Variants in STAG1 observed in about 807,000 individuals in gnomAD.
STAG1 encodes STAG1 cohesin complex component.
STAG1 carries 26 observed loss-of-function variants against 170.9 expected under a neutral mutation model. That is an observed-to-expected ratio of 0.15 (90% confidence interval 0.11 to 0.21). The LOEUF is 0.21. Ranked by LOEUF, STAG1 falls within the 10% of genes least tolerant of loss-of-function variation. The pLI, the probability that STAG1 is intolerant of heterozygous loss-of-function variation, is 1.00. For missense variants in STAG1, 964 were observed against 1,509.5 expected, an observed-to-expected ratio of 0.64 and a Z score of 5.99; for synonymous variants, 514 against 497.7, an observed-to-expected ratio of 1.03 and a Z score of -0.44.
At chr3:136,714,832 C>G (rs1485737235) in intron 1 of STAG1, among the ~76,000 whole-genome samples, 1 of 146,872 alleles carries the variant, frequency 6.8e-6, no homozygotes, top group Non-Finnish European at 1.5e-5. Context: ...TCACTTGAAC[C>G]TGGGAGGTCA....
intron 1 of STAG1, among the ~76,000 whole-genome samples, chr3:136,672,657 CATG>C (rs1306455612): frequency 1.3e-5 from 2 of 152,086 alleles, no homozygotes; most frequent in Non-Finnish European, 2.9e-5. Flanking sequence ...GTACTTAGAA[CATG>C]ATAAGCATTT....
At chr3:136,541,459 A>G (rs920086328) in intron 6 of STAG1, among the ~76,000 whole-genome samples, 75 of 152,024 alleles carry the variant, frequency 4.9e-4, no homozygotes, top group Non-Finnish European at 3.2e-4. Flanking sequence ...TAATTTGTGA[A>G]GCCAAGCAAA....
At chr3:136,681,837 A>C (rs781041133) in intron 1 of STAG1, among the ~76,000 whole-genome samples, 17 of 152,230 alleles carry the variant, frequency 1.1e-4, no homozygotes, top group Non-Finnish European at 1.9e-4. Context: ...TTGCATGATA[A>C]AAACAATCAG....
At chr3:136,743,368 CA>C (rs796201068) in intron 1 of STAG1, among the ~76,000 whole-genome samples, 33 of 124,806 alleles carry the variant, frequency 2.6e-4, no homozygotes, top group East Asian at 8.6e-4. Flanking sequence ...AACTCCTTCT[CA>C]AAAAAAAAAA....
intron 4 of STAG1, among the ~76,000 whole-genome samples, chr3:136,570,382 TTA>T (rs1392547403): frequency 1.3e-5 from 2 of 152,222 alleles, no homozygotes; most frequent in African/African-American, 4.8e-5. Context: ...AATGCCTTTT[TTA>T]CATTGCTGAA....
chr3:136,506,665 AAAG>A (rs1933784060), intron 7 of STAG1, among the ~76,000 whole-genome samples: 1 of 151,428 alleles, frequency 6.6e-6, no homozygotes, highest in Non-Finnish European at 1.5e-5. Flanking sequence ...AAAAAAAAGA[AAAG>A]AAAAAGAAAA....
chr3:136,446,843 C>T (rs535530128), intron 14 of STAG1, among the ~76,000 whole-genome samples: 1 of 151,264 alleles, frequency 6.6e-6, no homozygotes, highest in South Asian at 2.1e-4. Flanking sequence ...CTTGCTCTGT[C>T]GCCCAGGATG....
chr3:136,437,967 A>T (rs2088506572), intron 15 of STAG1, among the ~76,000 whole-genome samples: 1 of 152,202 alleles, frequency 6.6e-6, no homozygotes, highest in Non-Finnish European at 1.5e-5. Flanking sequence ...TAAAATATGC[A>T]TTGGATCACA....
At chr3:136,670,714 C>T (rs1941953201) in intron 1 of STAG1, among the ~76,000 whole-genome samples, 1 of 152,028 alleles carries the variant, frequency 6.6e-6, no homozygotes, top group African/African-American at 2.4e-5. Flanking sequence ...TCAAGTGATC[C>T]GCTTGCTTCA....
intron 22 of STAG1, among the ~76,000 whole-genome samples, chr3:136,383,037 T>A (rs1938063747): frequency 6.6e-6 from 1 of 152,214 alleles, no homozygotes. Context: ...GTTACTATAC[T>A]TCATTTCATT....
At chr3:136,512,736 TA>T (rs56227319) in intron 7 of STAG1, among the ~76,000 whole-genome samples, 78 of 144,156 alleles carry the variant, frequency 5.4e-4, no homozygotes, top group African/African-American at 1.6e-3. Context: ...TGAGGATCTA[TA>T]AAAAAAAAAA....
intron 5 of STAG1, among the ~76,000 whole-genome samples, chr3:136,542,670 A>T (rs925509116): frequency 1.7e-4 from 9 of 51,882 alleles, no homozygotes; most frequent in South Asian, 1.9e-3. Context: ...TGTTTGTAAT[A>T]AAAAAAAAAA....
In STAG1 at chr3:136,441,016, C is replaced by G. The variant is rs996632871; in HGVS notation, c.1546+2271G>C. Among the ~76,000 whole-genome samples the G allele has an allele frequency of 4.9e-4, 71 of 144,760 alleles. 1 individual carries two copies. Among genetic ancestry groups the G allele is most frequent in the Non-Finnish European group, 3.1e-4 (21 of 67,104 alleles). The allele number at this position is 144,760 out of a possible 152,430, so 95.0% of individuals were successfully genotyped here. On this transcript the variant is annotated intron_variant, in intron 15 of 33. Coordinates refer to ENST00000383202, the MANE Select transcript of STAG1 (RefSeq NM_005862.3). ...GCAGAGGGCCCTGTCAACTTAACAACAGGACCATCTTTCCTTTTTTTTTTT... is the reference window on the plus strand; with the variant it reads ...GCAGAGGGCCCTGTCAACTTAACAAGAGGACCATCTTTCCTTTTTTTTTTT...
At chr3:136,438,040 T>C (rs1453436397) in intron 15 of STAG1, among the ~76,000 whole-genome samples, 1 of 152,188 alleles carries the variant, frequency 6.6e-6, no homozygotes, top group Non-Finnish European at 1.5e-5. Flanking sequence ...TAAGTTCACT[T>C]ATAAACTAAA....
chr3:136,712,613 T>C (rs952944619), intron 1 of STAG1, among the ~76,000 whole-genome samples: 14 of 152,146 alleles, frequency 9.2e-5, no homozygotes, highest in Admixed American at 2.6e-4. Flanking sequence ...TTTTAAAAGA[T>C]TGGCAATAAT....
rs770361231 is a variant in STAG1 at position 136,337,886 on chromosome 3, G to GT, written c.*367dup. The GT allele has an allele frequency of 1.1e-3, 197 of 177,664 alleles. 1 individual carries two copies. The highest frequency in any genetic ancestry group is 4.7e-3 in the Middle Eastern group (2 of 426). 11.0% of individuals were successfully genotyped at this position (177,664 alleles called of 1,614,324 possible). A position where few individuals can be genotyped will look rare whatever the true frequency, so the allele number is the denominator to read the frequency against. On this transcript the variant is annotated 3_prime_UTR_variant, in exon 34 of 34. Coordinates refer to ENST00000383202, the MANE Select transcript of STAG1 (RefSeq NM_005862.3). Reference sequence around the variant, plus strand: ...AACAGGAAAATAAAGTTAAAAATATGTTTTTTTTTACTCAATGTTGAGTTT... The same window carrying GT: ...AACAGGAAAATAAAGTTAAAAATATGTTTTTTTTTTACTCAATGTTGAGTTT...
chr3:136,612,196 A>C (rs1399157303), intron 3 of STAG1, among the ~76,000 whole-genome samples: 1 of 152,138 alleles, frequency 6.6e-6, no homozygotes, highest in Non-Finnish European at 1.5e-5. Flanking sequence ...GAAAGTTTCG[A>C]ACTTCAGAGC....
At chr3:136,404,119 G>A (rs765432448) in intron 21 of STAG1, among the ~76,000 whole-genome samples, 23 of 152,094 alleles carry the variant, frequency 1.5e-4, no homozygotes, top group Non-Finnish European at 2.4e-4. Context: ...CAGTAACTTC[G>A]TCTTTCTGGA....
intron 4 of STAG1, among the ~76,000 whole-genome samples, chr3:136,584,546 C>T (rs1450461539): frequency 6.6e-6 from 1 of 152,168 alleles, no homozygotes; most frequent in East Asian, 1.9e-4. Flanking sequence ...CCTTCCATGC[C>T]CAGTCACTGA....
Sources: allele counts gnomAD v4.1 joint callset (sites outside exome capture counted in the v4.1 genomes callset), GRCh38; gene constraint gnomAD v4.1.1; transcripts MANE v1.5; gene names NCBI Gene and HGNC (gene_info 2026-07-23, HGNC 2026-07-21).